NLRP1: variants seen among roughly 807,000 people sequenced by gnomAD.
NLRP1 encodes the protein NACHT, LRR and PYD domains-containing protein 1.
A neutral mutation model predicts 136.7 loss-of-function variants in NLRP1; 94 were observed. The ratio of observed to expected loss-of-function variants is 0.69; its 90% CI spans 0.58 to 0.82. NLRP1 has a LOEUF of 0.82. NLRP1 is among the 40% of genes least tolerant of loss of function. NLRP1 has a pLI of 0.00. For synonymous variants in NLRP1, 690 were observed against 725.1 expected, an observed-to-expected ratio of 0.95 and a Z score of 0.78; for missense variants, 1,575 against 1,802.7, an observed-to-expected ratio of 0.87 and a Z score of 2.29.
Position 5,582,046 on chromosome 17 carries a change from G to A in NLRP1, c.465C>T (p.Leu155=), listed in dbSNP as rs1905717926. The A allele has an allele frequency of 1.2e-6, 2 of 1,613,164 alleles. No individual in the cohort carries two copies. The highest frequency in any genetic ancestry group is 1.7e-6 in the Non-Finnish European group (2 of 1,179,454). ...GRRWREISAS[L]LYQALPSSPD... ...GGGAGCTTGGAAGAGCTTGGTAGAGGAGTGAGGCAGAGATTTCTGGGGGGA... is the reference window on the plus strand; with the variant it reads ...GGGAGCTTGGAAGAGCTTGGTAGAGAAGTGAGGCAGAGATTTCTGGGGGGA... The change falls in exon 3 of 17, where the codon CTC becomes CTT. Residue 155 remains leucine (L), a synonymous_variant. Transcript: ENST00000572272.
At chr17:5,512,308 A>G, downstream of NLRP1, 3 of 1,470,138 alleles carry the variant, frequency 2.0e-6, no homozygotes, top group South Asian at 3.4e-5. Flanking sequence ...ACATTCTGCA[A>G]AAGGACATTC....
chr17:5,515,639 A>C, intron 15 of NLRP1, 122 bp from the exon 16 acceptor site: 1 of 791,420 alleles, frequency 1.3e-6, no homozygotes, highest in Non-Finnish European at 2.1e-6. Context: ...CCACAGACAA[A>C]TTCTGGTAGA....
At chr17:5,565,161 G>A (rs959171472) in intron 3 of NLRP1, among the ~76,000 whole-genome samples, 2 of 152,162 alleles carry the variant, frequency 1.3e-5, no homozygotes, top group African/African-American at 4.8e-5. Context: ...GTTCTTGCCT[G>A]TCTTTTGGAT....
intron 12 of NLRP1, among the ~76,000 whole-genome samples, chr17:5,523,519 A>G (rs1909161734): frequency 6.6e-6 from 1 of 152,168 alleles, no homozygotes. Context: ...TGAGTTAGTC[A>G]ATAACCTTTC....
intron 3 of NLRP1, among the ~76,000 whole-genome samples, chr17:5,573,707 G>T (rs939818606): frequency 7.9e-5 from 12 of 152,198 alleles, no homozygotes; most frequent in African/African-American, 2.4e-5. Flanking sequence ...GGCAAACAAG[G>T]TCTGGAGTGG....
chr17:5,519,892 T>TATC (rs1908676737), intron 14 of NLRP1, among the ~76,000 whole-genome samples: 2 of 135,680 alleles, frequency 1.5e-5, no homozygotes, highest in East Asian at 4.8e-4. Context: ...AGTCTTGCTC[T>TATC]ATCACCTAGG....
chr17:5,515,147 A>C, intron 16 of NLRP1, 74 bp from the exon 17 acceptor site: 1 of 1,329,954 alleles, frequency 7.5e-7, no homozygotes, highest in Non-Finnish European at 1.1e-6. Context: ...TTCCTCTCTC[A>C]TCTCTGCATC....
In NLRP1 at chr17:5,584,440, T is replaced by C. The variant is rs1906059013; in HGVS notation, c.-483A>G. ...AACCCAGAGTGGAGCCCCGGGCTGCTGGCTCCCAGGTTTCTTCAGACCTCT... is the reference window on the plus strand; with the variant it reads ...AACCCAGAGTGGAGCCCCGGGCTGCCGGCTCCCAGGTTTCTTCAGACCTCT... On this transcript the variant is annotated 5_prime_UTR_variant, in exon 1 of 17. Coordinates refer to ENST00000572272, the MANE Select transcript of NLRP1 (RefSeq NM_033004.4). The C allele has an allele frequency of 1.2e-5, 2 of 162,426 alleles. No individual in the cohort carries two copies. Among genetic ancestry groups the C allele is most frequent in the Non-Finnish European group, 1.4e-5 (1 of 73,970 alleles). 10.1% of individuals were successfully genotyped at this position (162,426 alleles called of 1,614,324 possible). A position where few individuals can be genotyped will look rare whatever the true frequency, so the allele number is the denominator to read the frequency against.
chr17:5,574,387 G>T (rs1904782357), intron 3 of NLRP1, among the ~76,000 whole-genome samples: 1 of 152,246 alleles, frequency 6.6e-6, no homozygotes, highest in African/African-American at 2.4e-5. Context: ...CATTCTGCAG[G>T]ATATTATCCA....
At chr17:5,561,090 CTT>C (rs1247428816) in intron 3 of NLRP1, among the ~76,000 whole-genome samples, 6 of 152,320 alleles carry the variant, frequency 3.9e-5, no homozygotes, top group Middle Eastern at 3.4e-3. Flanking sequence ...GAGTTTCTCT[CTT>C]GTCACCCAGG....
At chr17:5,555,450 T>C (rs1311241083) in intron 4 of NLRP1, among the ~76,000 whole-genome samples, 2 of 152,182 alleles carry the variant, frequency 1.3e-5, no homozygotes, top group Non-Finnish European at 2.9e-5. Flanking sequence ...AGCCTCTGAC[T>C]TTCCCACGGC....
chr17:5,558,429 A>C lies in NLRP1; in HGVS notation c.2267T>G (p.Phe756Cys). The change falls in exon 4 of 17, where the codon TTC (phenylalanine) becomes TGC (cysteine). Residue 756 changes from phenylalanine (F) to cysteine (C), a missense_variant. By Grantham distance (205) the Phe-to-Cys change is radical. Coordinates refer to ENST00000572272, the MANE Select transcript of NLRP1 (RefSeq NM_033004.4). ...CACGTGGCGGCTGAATTTAATGCAGAAAGTGCACACTAAGAGCTCCATGTC... is the reference window on the plus strand; with the variant it reads ...CACGTGGCGGCTGAATTTAATGCAGCAAGTGCACACTAAGAGCTCCATGTC... ...ETDMELLVCTFCIKFSRHVKK... is the reference protein window; with the variant it reads ...ETDMELLVCTCCIKFSRHVKK... The C allele has an allele frequency of 6.2e-7, 1 of 1,614,150 alleles. No individual in the cohort carries two copies. The highest frequency in any genetic ancestry group is 8.5e-7 in the Non-Finnish European group (1 of 1,180,030).
intron 3 of NLRP1, among the ~76,000 whole-genome samples, chr17:5,577,309 G>A (rs1190169024): frequency 6.6e-6 from 1 of 152,198 alleles, no homozygotes; most frequent in Non-Finnish European, 1.5e-5. Context: ...ATTAGGAAAA[G>A]AGGAAGTCAA....
Position 5,583,844 on chromosome 17 carries a change from C to A in NLRP1, c.114G>T (p.Ser38=), listed in dbSNP as rs884367. ...LANKAHSRSS[S]GETPAQPEKT... ...TCTCTGGCTGAGCGGGTGTCTCACCCGAAGAGCTCCTGGAGTGCGCTTTAT... is the reference window on the plus strand; with the variant it reads ...TCTCTGGCTGAGCGGGTGTCTCACCAGAAGAGCTCCTGGAGTGCGCTTTAT... The change falls in exon 1 of 17, where the codon TCG becomes TCT. Residue 38 remains serine (S), a synonymous_variant. Coordinates refer to ENST00000572272, the MANE Select transcript of NLRP1 (RefSeq NM_033004.4). This position sits in a 1 kb window ranked among gnomAD's most constrained non-coding sequence, Gnocchi z 4.5. The A allele has an allele frequency of 3.8e-6, 6 of 1,569,650 alleles. No homozygotes were observed. The South Asian group carries it at 5.8e-5, about 15-fold the overall frequency.
intron 14 of NLRP1, among the ~76,000 whole-genome samples, chr17:5,520,045 C>G (rs941990505): frequency 6.6e-6 from 1 of 151,580 alleles, no homozygotes; most frequent in African/African-American, 2.4e-5. Context: ...TTAGTAGAGA[C>G]AGGGTTTCAC....
At chr17:5,525,422 G>T (rs1452371946) in intron 12 of NLRP1, among the ~76,000 whole-genome samples, 1 of 152,216 alleles carries the variant, frequency 6.6e-6, no homozygotes, top group African/African-American at 2.4e-5. Context: ...TTTGCCTTGG[G>T]ACATTGCTGC....
At chr17:5,558,194 T>A (rs3744717) in intron 4 of NLRP1, 145 bp downstream of exon 4, 1 of 764,394 alleles carries the variant, frequency 1.3e-6, no homozygotes, top group Non-Finnish European at 2.1e-6. Context: ...GTGGTCAGAT[T>A]GGGCAGTTAG....
At chr17:5,533,805 A>G in intron 9 of NLRP1, 92 bp downstream of exon 9, 1 of 855,678 alleles carries the variant, frequency 1.2e-6, no homozygotes, top group Non-Finnish European at 1.9e-6. Context: ...CCCGTCCCAC[A>G]TCAGGGGCAG....
chr17:5,570,463 C>T (rs1915753495), intron 3 of NLRP1, among the ~76,000 whole-genome samples: 1 of 151,616 alleles, frequency 6.6e-6, no homozygotes, highest in South Asian at 2.1e-4. Flanking sequence ...ATAAAAAACC[C>T]TCAGAGACTA....
Sources: gnomAD v4.1 joint callset for allele counts (sites outside exome capture counted in the v4.1 genomes callset) on GRCh38, gnomAD v4.1.1 for gene constraint, Gnocchi (gnomAD v3.1) non-coding constraint, MANE v1.5 for transcripts, NCBI Gene and HGNC (gene_info 2026-07-23, HGNC 2026-07-21) for gene names.